CTNNA3: variants seen among roughly 807,000 people sequenced by gnomAD.
The protein encoded by CTNNA3 is catenin alpha-3.
CTNNA3 carries 76 observed loss-of-function variants against 95.7 expected under a neutral mutation model. The observed-to-expected ratio is 0.79, with a 90% CI of 0.66 to 0.96. CTNNA3 has a LOEUF of 0.96. CTNNA3 is among the 40% of genes least tolerant of loss of function. The probability of loss-of-function intolerance (pLI) is 0.00; values close to 1 mark genes in which losing one functional copy is unlikely to be tolerated. For missense variants in CTNNA3, 1,191 were observed against 1,089.8 expected, an observed-to-expected ratio of 1.09 and a Z score of -1.31; for synonymous variants, 431 against 374.4, an observed-to-expected ratio of 1.15 and a Z score of -1.74.
chr10:67,426,492 T>C (rs954309500), intron 5 of CTNNA3, among the ~76,000 whole-genome samples: 2 of 152,122 alleles, frequency 1.3e-5, no homozygotes, highest in Non-Finnish European at 1.5e-5. Flanking sequence ...AAGGATGAGT[T>C]CATGTCCTTT....
rs1460646931 is a variant in CTNNA3, at chr10:66,374,918, A to G, written c.1732+4234T>C. Reference sequence around the variant, plus strand: ...GTGTGAGCCACCACACCCAGACCAGAAAAGCCATTTTTATGACAGTATATC... The same window carrying G: ...GTGTGAGCCACCACACCCAGACCAGGAAAGCCATTTTTATGACAGTATATC... On this transcript the variant is annotated intron_variant, in intron 12 of 17. Coordinates refer to ENST00000433211, the MANE Select transcript of CTNNA3 (RefSeq NM_013266.4). Among the ~76,000 whole-genome samples, 12 of 152,116 alleles carry G rather than the reference A, an allele frequency of 7.9e-5. No homozygotes were observed. The East Asian group carries it at 1.9e-3, about 25-fold the overall frequency.
chr10:67,588,032 A>C (rs1564764304), intron 3 of CTNNA3, among the ~76,000 whole-genome samples: 1 of 152,052 alleles, frequency 6.6e-6, no homozygotes, highest in Non-Finnish European at 1.5e-5. Context: ...TCCATCAATA[A>C]ATTCTTCAGT....
At chr10:67,755,438 G>A (rs1471075907) in intron 1 of CTNNA3, among the ~76,000 whole-genome samples, 1 of 152,088 alleles carries the variant, frequency 6.6e-6, no homozygotes. Flanking sequence ...ACAGTATGGA[G>A]GTTCCTCAAA....
intron 11 of CTNNA3, among the ~76,000 whole-genome samples, chr10:66,426,816 A>T (rs529395442): frequency 1.1e-3 from 66 of 58,508 alleles, no homozygotes; most frequent in African/African-American, 5.3e-3. Flanking sequence ...CTCTGTCTTT[A>T]AAAAAAAATG....
chr10:67,632,063 A>C (rs1429493416), intron 2 of CTNNA3, among the ~76,000 whole-genome samples: 1 of 151,802 alleles, frequency 6.6e-6, no homozygotes, highest in South Asian at 2.1e-4. Flanking sequence ...CATGGTGACT[A>C]TAGTTAACAT....
At chr10:67,614,188 T>A (rs1354692085) in intron 2 of CTNNA3, among the ~76,000 whole-genome samples, 1 of 152,108 alleles carries the variant, frequency 6.6e-6, no homozygotes, top group Non-Finnish European at 1.5e-5. Context: ...GATTGGTGCA[T>A]TTTACAAACC....
intron 12 of CTNNA3, among the ~76,000 whole-genome samples, chr10:66,360,772 T>TCTTTCTTTCCTCCTTCCTTTCTTC (rs2092660463): frequency 4.4e-5 from 2 of 45,966 alleles, no homozygotes; most frequent in African/African-American, 1.7e-4. Context: ...TCCTTCCTTT[T>TCTTTCTTTCCTCCTTCCTTTCTTC]CTTTCTTTCT....
chr10:66,399,137 T>A (rs2093001312), intron 11 of CTNNA3, among the ~76,000 whole-genome samples: 1 of 151,988 alleles, frequency 6.6e-6, no homozygotes, highest in South Asian at 2.1e-4. Flanking sequence ...TCTGGGTGAC[T>A]ATAATTACCC....
chr10:67,670,217 C>A (rs372095885), intron 1 of CTNNA3, among the ~76,000 whole-genome samples: 3 of 152,162 alleles, frequency 2.0e-5, no homozygotes, highest in Admixed American at 2.0e-4. Flanking sequence ...GAAGGAAATC[C>A]TTTTCTCCCA....
At chr10:66,082,850 C>T (rs1402270081) in intron 14 of CTNNA3, among the ~76,000 whole-genome samples, 4 of 152,042 alleles carry the variant, frequency 2.6e-5, no homozygotes, top group Non-Finnish European at 4.4e-5. Flanking sequence ...CTTAGATGGG[C>T]CCCATCTGTC....
At chr10:67,630,655 G>A (rs754618211) in intron 2 of CTNNA3, among the ~76,000 whole-genome samples, 1 of 151,628 alleles carries the variant, frequency 6.6e-6, no homozygotes, top group African/African-American at 2.4e-5. Context: ...TATGGAGGTA[G>A]AAATGAAAAA....
chr10:66,596,778 T>C (rs1261452837), intron 10 of CTNNA3, among the ~76,000 whole-genome samples: 4 of 150,576 alleles, frequency 2.7e-5, no homozygotes, highest in Non-Finnish European at 4.4e-5. Context: ...ACACAAAGAG[T>C]CAAAGAAACG....
At chr10:67,726,391 T>TA (rs377617668) in intron 1 of CTNNA3, among the ~76,000 whole-genome samples, 2 of 29,484 alleles carry the variant, frequency 6.8e-5, no homozygotes, top group Non-Finnish European at 1.2e-4. Flanking sequence ...TGAAATTATA[T>TA]ATATTATATA....
rs1554968516 is a variant in CTNNA3 at position 66,461,685 on chromosome 10, G to GTGTA, written c.1531+58931_1531+58932insTACA. Reference sequence around the variant, plus strand: ...GTTTGCACTCACGTTATATATATATGTATATATATATATATATATCAAGTG... The same window carrying GTGTA: ...GTTTGCACTCACGTTATATATATATGTGTATATATATATATATATATATCAAGTG... On this transcript the variant is annotated intron_variant, in intron 11 of 17. Transcript: ENST00000433211. Among the ~76,000 whole-genome samples, 693 of 140,136 alleles carry GTGTA rather than the reference G, an allele frequency of 4.9e-3. 7 individuals are homozygous for GTGTA. Among genetic ancestry groups the GTGTA allele is most frequent in the African/African-American group, 0.011 (412 of 36,518 alleles). The allele number at this position is 140,136 out of a possible 152,430, so 91.9% of individuals were successfully genotyped here. A position where few individuals can be genotyped will look rare whatever the true frequency, so the allele number is the denominator to read the frequency against.
chr10:66,739,498 A>G (rs1849255966), intron 9 of CTNNA3, among the ~76,000 whole-genome samples: 1 of 152,222 alleles, frequency 6.6e-6, no homozygotes, highest in Non-Finnish European at 1.5e-5. Flanking sequence ...AGGAAAGGTG[A>G]ATTAAGCATC....
intron 13 of CTNNA3, among the ~76,000 whole-genome samples, chr10:66,184,959 T>G (rs2086252547): frequency 6.6e-6 from 1 of 152,220 alleles, no homozygotes; most frequent in African/African-American, 2.4e-5. Context: ...TGAATTAGAC[T>G]GTTGTTGAAT....
At chr10:66,006,174 G>A (rs1170800655) in intron 15 of CTNNA3, among the ~76,000 whole-genome samples, 1 of 151,518 alleles carries the variant, frequency 6.6e-6, no homozygotes, top group African/African-American at 2.4e-5. Flanking sequence ...CACCGTGCCC[G>A]GCTAATTTTT....
intron 11 of CTNNA3, among the ~76,000 whole-genome samples, chr10:66,478,255 T>G (rs2131893350): frequency 6.6e-6 from 1 of 152,162 alleles, no homozygotes; most frequent in South Asian, 2.1e-4. Flanking sequence ...TAAATTTATG[T>G]ACATGTGAGT....
At chr10:66,827,651 A>G (rs1842564300) in intron 7 of CTNNA3, among the ~76,000 whole-genome samples, 1 of 152,234 alleles carries the variant, frequency 6.6e-6, no homozygotes, top group Non-Finnish European at 1.5e-5. Context: ...TTCAAATGGC[A>G]TTGTGAGAGT....
Sources: gnomAD v4.1 joint callset for allele counts (sites outside exome capture counted in the v4.1 genomes callset) on GRCh38, gnomAD v4.1.1 for gene constraint, MANE v1.5 for transcripts, NCBI Gene and HGNC (gene_info 2026-07-23, HGNC 2026-07-21) for gene names.